GRM7: variants seen among roughly 807,000 people sequenced by gnomAD.
GRM7 encodes the protein metabotropic glutamate receptor 7.
In GRM7, 35 loss-of-function variants were observed where a neutral mutation model predicts 84.5. That is an observed-to-expected ratio of 0.41 (90% CI 0.32 to 0.55). The LOEUF (loss-of-function observed/expected upper bound fraction) is 0.55, where lower values mean the gene tolerates loss of function less well. GRM7 is among the 20% of genes least tolerant of loss of function. GRM7 has a pLI of 0.19. For missense variants in GRM7, 1,003 were observed against 1,194.6 expected, an observed-to-expected ratio of 0.84 and a Z score of 2.36; for synonymous variants, 487 against 455.1, an observed-to-expected ratio of 1.07 and a Z score of -0.89.
chr3:7,405,672 C>T (rs1413461250), intron 4 of GRM7, among the ~76,000 whole-genome samples: 1 of 152,018 alleles, frequency 6.6e-6, no homozygotes, highest in South Asian at 2.1e-4. Flanking sequence ...TTACTATTTG[C>T]AAAAGACTGA....
chr3:7,351,597 A>G lies in GRM7; in HGVS notation c.1033+44945A>G, dbSNP rs530402315. 5.3e-5 allele frequency among the ~76,000 whole-genome samples: 8 copies of G among 152,214 alleles called. 1 individual carries two copies. In the South Asian group the frequency reaches 1.5e-3, roughly 28 times the overall value. On this transcript the variant is annotated intron_variant, in intron 4 of 9. Transcript: ENST00000357716. ...GACCAAGAAAGGAAGACATGACCTC[A>G]GTATGAGTGGATACCATCCTATGGG...
chr3:7,538,722 C>T (rs1484418380), intron 7 of GRM7, among the ~76,000 whole-genome samples: 2 of 152,148 alleles, frequency 1.3e-5, no homozygotes, highest in African/African-American at 2.4e-5. Context: ...TGATAAAAAG[C>T]ATGTACAACT....
Position 7,136,334 on chromosome 3 carries a change from C to T in GRM7, c.520-10118C>T, listed in dbSNP as rs143507991. Among the ~76,000 whole-genome samples, 10 of 151,870 alleles carry T rather than the reference C, an allele frequency of 6.6e-5. No homozygotes were observed. In the East Asian group the frequency reaches 1.9e-3, roughly 29 times the overall value. ...AAGGAAAAGGCAGGGCAGAAACTGCCTCTTTAAAATGACAAATCCTAGTTA... is the reference window on the plus strand; with the variant it reads ...AAGGAAAAGGCAGGGCAGAAACTGCTTCTTTAAAATGACAAATCCTAGTTA... On this transcript the variant is annotated intron_variant, in intron 1 of 9. Transcript: ENST00000357716.
chr3:7,452,732 C>A lies in GRM7; in HGVS notation c.1300C>A (p.Arg434=), dbSNP rs201868190. Residue 434 remains arginine, a synonymous_variant, in exon 6 of 10, where the codon CGG becomes AGG. Coordinates refer to ENST00000357716, the MANE Select transcript of GRM7 (RefSeq NM_000844.4). ...GAACAAGGATCTCTGTGCTGACTAC[C>A]GGGGTGTCTGCCCAGAGATGGAGCA... is the stretch of plus-strand genomic sequence containing the variant. ...HMNKDLCADY[R]GVCPEMEQAG... is the part of the protein sequence containing the mutation. 358 of 1,613,268 alleles carry A rather than the reference C, an allele frequency of 2.2e-4. 9 individuals carry two copies. The South Asian group carries it at 3.8e-3, about 17-fold the overall frequency.
chr3:7,370,258 C>G (rs1200167272), intron 4 of GRM7, among the ~76,000 whole-genome samples: 2 of 152,110 alleles, frequency 1.3e-5, no homozygotes, highest in Non-Finnish European at 2.9e-5. Flanking sequence ...TCCCCAATGC[C>G]CATCAGTATT....
At chr3:7,636,844 C>T (rs3804858) in intron 8 of GRM7, among the ~76,000 whole-genome samples, 1,575 of 152,228 alleles carry the variant, frequency 0.01, 29 homozygotes, top group East Asian at 0.073. Flanking sequence ...AGCCCCATCT[C>T]GTGTTGCAGA....
intron 1 of GRM7, among the ~76,000 whole-genome samples, chr3:6,889,480 T>C (rs1231181873): frequency 3.3e-5 from 5 of 151,822 alleles, no homozygotes; most frequent in African/African-American, 1.2e-4. Context: ...TCTGCATCTA[T>C]TGAGATAATC....
chr3:6,931,093 C>A lies in GRM7; in HGVS notation c.519+69186C>A, dbSNP rs117862893. ...GTTCACTTTATATTAGCTGAAATTG[C>A]ACTAGCTCTTGCCCCTGTCAAATGG... On this transcript the variant is annotated intron_variant, in intron 1 of 9. Transcript: ENST00000357716. 2.2e-4 allele frequency among the ~76,000 whole-genome samples: 34 copies of A among 152,326 alleles called. 2 individuals carry two copies. In the East Asian group the frequency reaches 6.6e-3, roughly 29 times the overall value.
chr3:7,440,116 G>C (rs1009025377), intron 5 of GRM7, among the ~76,000 whole-genome samples: 1 of 152,202 alleles, frequency 6.6e-6, no homozygotes, highest in African/African-American at 2.4e-5. Context: ...GCAGATACAG[G>C]ATCAGAGAGG....
chr3:7,130,813 A>C (rs546433785), intron 1 of GRM7, among the ~76,000 whole-genome samples: 6 of 152,290 alleles, frequency 3.9e-5, no homozygotes, highest in African/African-American at 1.4e-4. Context: ...TGTAGGAAGG[A>C]ATATTGAAAA....
At chr3:7,005,721 TCAGATA>T (rs1319775555) in intron 1 of GRM7, among the ~76,000 whole-genome samples, 2 of 152,194 alleles carry the variant, frequency 1.3e-5, no homozygotes, top group African/African-American at 4.8e-5. Flanking sequence ...CAGGCTTACT[TCAGATA>T]CAGAAAAATC....
At chr3:7,635,157 G>A (rs75809516) in intron 8 of GRM7, among the ~76,000 whole-genome samples, 2,193 of 152,270 alleles carry the variant, frequency 0.014, 46 homozygotes, top group East Asian at 0.074. Context: ...AGCAACATGC[G>A]GCTAATGGCC....
chr3:7,404,967 A>G (rs1272940324), intron 4 of GRM7, among the ~76,000 whole-genome samples: 3 of 152,184 alleles, frequency 2.0e-5, no homozygotes, highest in Non-Finnish European at 4.4e-5. Context: ...AAGCTAAAGC[A>G]CCATGTGTTT....
chr3:6,969,380 T>C (rs1056084103), intron 1 of GRM7, among the ~76,000 whole-genome samples: 1 of 152,176 alleles, frequency 6.6e-6, no homozygotes, highest in African/African-American at 2.4e-5. Context: ...CCCCATTACA[T>C]AAATGAAGAC....
chr3:7,077,835 A>G (rs918435546), intron 1 of GRM7, among the ~76,000 whole-genome samples: 3 of 152,204 alleles, frequency 2.0e-5, no homozygotes, highest in African/African-American at 7.2e-5. Flanking sequence ...TGGATTTTAA[A>G]CATTTGTTCC....
chr3:7,199,115 G>T (rs965116067), intron 2 of GRM7, among the ~76,000 whole-genome samples: 3 of 152,062 alleles, frequency 2.0e-5, no homozygotes, highest in Non-Finnish European at 2.9e-5. Context: ...TTAAATTTAG[G>T]CTGACCTTAG....
Position 7,625,139 on chromosome 3 carries a change from C to T in GRM7, c.2451+45782C>T, listed in dbSNP as rs1054532030. Among the ~76,000 whole-genome samples the T allele has an allele frequency of 8.2e-4, 124 of 152,076 alleles. 2 individuals are homozygous for T. Among genetic ancestry groups the T allele is most frequent in the Non-Finnish European group, 2.9e-4 (20 of 68,016 alleles). On this transcript the variant is annotated intron_variant, in intron 8 of 9. Coordinates refer to ENST00000357716, the MANE Select transcript of GRM7 (RefSeq NM_000844.4). Reference sequence around the variant, plus strand: ...GCTTAGCTGTGTATCACAATTGGCCCCTTAGATCGCTGGTAATGGAATCAA... The same window carrying T: ...GCTTAGCTGTGTATCACAATTGGCCTCTTAGATCGCTGGTAATGGAATCAA...
At chr3:6,965,794 G>A (rs1048460548) in intron 1 of GRM7, among the ~76,000 whole-genome samples, 3 of 152,070 alleles carry the variant, frequency 2.0e-5, no homozygotes, top group Non-Finnish European at 4.4e-5. Flanking sequence ...TGCTCTCTGG[G>A]GAGTAAATGA....
At chr3:7,101,834 A>G (rs1358510763) in intron 1 of GRM7, among the ~76,000 whole-genome samples, 2 of 148,858 alleles carry the variant, frequency 1.3e-5, no homozygotes, top group Non-Finnish European at 3.0e-5. Context: ...TTTATATATA[A>G]AGGTATATGT....
Sources: allele counts gnomAD v4.1 joint callset (sites outside exome capture counted in the v4.1 genomes callset), GRCh38; gene constraint gnomAD v4.1.1; transcripts MANE v1.5; gene names NCBI Gene and HGNC (gene_info 2026-07-23, HGNC 2026-07-21).